Variants in TRAPPC6A observed in about 807,000 individuals in gnomAD.
TRAPPC6A encodes the protein trafficking protein particle complex subunit 6A, also known as TRAPP complex subunit 6A.
TRAPPC6A carries 25 observed loss-of-function variants against 20.8 expected under a neutral mutation model. The observed-to-expected ratio is 1.20, with a 90% CI of 0.88 to 1.68. The LOEUF (loss-of-function observed/expected upper bound fraction) is 1.68. TRAPPC6A is among the 40% of genes most tolerant of loss of function. The pLI is 0.00. For synonymous variants in TRAPPC6A, 96 were observed against 93.3 expected (o/e 1.03, Z -0.16); for missense variants, 215 against 211.6 (o/e 1.02, Z -0.10).
intron 1 of TRAPPC6A, among the ~76,000 whole-genome samples, chr19:45,174,431 C>T (rs1347748942): frequency 6.6e-6 from 1 of 152,182 alleles, no homozygotes; most frequent in Non-Finnish European, 1.5e-5. Flanking sequence ...GCCAGGACAT[C>T]CAGTGGTCAT....
At chr19:45,164,617 T>C in intron 3 of TRAPPC6A, 1 of 590,996 alleles carries the variant, frequency 1.7e-6, no homozygotes, top group Non-Finnish European at 3.0e-6. Context: ...AGGGGCTTTC[T>C]GCCCATGCAT....
chr19:45,176,406 G>A (rs1969376592), intron 1 of TRAPPC6A, among the ~76,000 whole-genome samples: 1 of 152,072 alleles, frequency 6.6e-6, no homozygotes, highest in South Asian at 2.1e-4. Context: ...GGAGCTTGCA[G>A]TGAGCCAAGA....
chr19:45,165,310 G>T, intron 1 of TRAPPC6A, 116 bp from the exon 2 acceptor site: 1 of 986,598 alleles, frequency 1.0e-6, no homozygotes, highest in Non-Finnish European at 1.5e-6. Flanking sequence ...CGTCAGTTCA[G>T]GGGTGAGCAG....
At chr19:45,167,671 A>G (rs1257240025) in intron 1 of TRAPPC6A, among the ~76,000 whole-genome samples, 3 of 152,120 alleles carry the variant, frequency 2.0e-5, no homozygotes, top group South Asian at 2.1e-4. Flanking sequence ...TAGTAGAGAC[A>G]GGGTTTCTTC....
At position 45,173,275 on chromosome 19, in the gene TRAPPC6A, T is replaced by A. The variant is rs941696337; in HGVS notation, c.84+4860A>T. On this transcript the variant is annotated intron_variant, in intron 1 of 5. Transcript: ENST00000585934. This position sits in a 1 kb window ranked among gnomAD's most constrained non-coding sequence, Gnocchi z 4.8. ...CCTTCCTGGCCCCTCTGGCCGGTCC[T>A]CCAGTTCACAACCTGTGACAGCCCA... 1.3e-5 allele frequency among the ~76,000 whole-genome samples: 2 copies of A among 151,658 alleles called. No individual in the cohort carries two copies. The highest frequency in any genetic ancestry group is 2.9e-5 in the Non-Finnish European group (2 of 67,918).
intron 1 of TRAPPC6A, among the ~76,000 whole-genome samples, chr19:45,176,813 C>T (rs1319369884): frequency 2.0e-5 from 3 of 150,436 alleles, no homozygotes; most frequent in South Asian, 2.1e-4. Flanking sequence ...GCGGGTGGAT[C>T]ACAAGGTCAG....
At chr19:45,169,963 C>T (rs1969235589) in intron 1 of TRAPPC6A, among the ~76,000 whole-genome samples, 1 of 152,198 alleles carries the variant, frequency 6.6e-6, no homozygotes, top group South Asian at 2.1e-4. Flanking sequence ...CCTTGCCTGG[C>T]AGGGTTGACA....
intron 1 of TRAPPC6A, among the ~76,000 whole-genome samples, chr19:45,169,034 T>G (rs377185219): frequency 1.3e-5 from 2 of 152,182 alleles, no homozygotes; most frequent in East Asian, 1.9e-4. Context: ...ACCATCTGCT[T>G]TCCTCCAGTG....
rs144599268 is a variant in TRAPPC6A, at chr19:45,165,163, C to T, written c.116G>A (p.Gly39Asp). Residue 39 changes from glycine (G) to aspartate (D), a missense_variant, in exon 2 of 6, where the codon GGT (glycine) becomes GAT (aspartate). Transcript: ENST00000585934. ...AGCCTGGCCCACACGGAACCCCATA[C>T]CCTCCAGGACCGACAGGCTCATCTT... ...GQKMSLSVLE[G>D]MGFRVGQALG... is the part of the protein sequence containing the mutation. The T allele has an allele frequency of 1.2e-6, 2 of 1,608,918 alleles. No individual in the cohort carries two copies. Among genetic ancestry groups the T allele is most frequent in the Non-Finnish European group, 1.7e-6 (2 of 1,177,946 alleles).
intron 1 of TRAPPC6A, among the ~76,000 whole-genome samples, chr19:45,168,522 C>T (rs532495175): frequency 6.6e-6 from 1 of 152,266 alleles, no homozygotes; most frequent in East Asian, 1.9e-4. Context: ...CGGACACATC[C>T]CAAGGATGCA....
chr19:45,164,608 G>A, intron 3 of TRAPPC6A: 1 of 589,368 alleles, frequency 1.7e-6, no homozygotes, highest in Non-Finnish European at 3.0e-6. Context: ...GCAGCCACCA[G>A]GGGCTTTCTG....
rs754583860 is a variant in TRAPPC6A at position 45,165,167 on chromosome 19, C to A, written c.112G>T (p.Glu38Ter). Residue 38 changes from glutamate (E) to a stop codon, truncating the protein, a stop_gained, in exon 2 of 6, where the codon GAG becomes TAG. Coordinates refer to ENST00000585934, the MANE Select transcript of TRAPPC6A (RefSeq NM_001270891.2). LOFTEE classifies it high-confidence loss of function. ...TGGCCCACACGGAACCCCATACCCT[C>A]CAGGACCGACAGGCTCATCTTCTGT... ...GGQKMSLSVL[E>*]GMGFRVGQAL... The A allele has an allele frequency of 1.2e-6, 2 of 1,608,626 alleles. No individual in the cohort carries two copies. Among genetic ancestry groups the A allele is most frequent in the Non-Finnish European group, 1.7e-6 (2 of 1,177,752 alleles).
chr19:45,176,678 A>T (rs1327195272), intron 1 of TRAPPC6A, among the ~76,000 whole-genome samples: 2 of 152,224 alleles, frequency 1.3e-5, no homozygotes, highest in African/African-American at 4.8e-5. Context: ...GTATATCGAG[A>T]TGGTAACAAG....
chr19:45,177,278 C>T (rs199866897), intron 1 of TRAPPC6A, among the ~76,000 whole-genome samples: 1 of 152,166 alleles, frequency 6.6e-6, no homozygotes, highest in African/African-American at 2.4e-5. Context: ...GAGGCCCAGG[C>T]GGGAGAATCA....
chr19:45,175,889 T>C (rs565868345), intron 1 of TRAPPC6A, among the ~76,000 whole-genome samples: 29 of 152,314 alleles, frequency 1.9e-4, no homozygotes, highest in South Asian at 6.2e-4. Context: ...ATCTTCCTCA[T>C]AGCAGTTACA....
At chr19:45,175,091 C>T (rs1281516927) in intron 1 of TRAPPC6A, among the ~76,000 whole-genome samples, 6 of 151,104 alleles carry the variant, frequency 4.0e-5, no homozygotes, top group Non-Finnish European at 8.8e-5. Flanking sequence ...GAAACTCTGT[C>T]TCTACTAAAA....
At chr19:45,165,735 G>A (rs1368249409) in intron 1 of TRAPPC6A, among the ~76,000 whole-genome samples, 2 of 152,130 alleles carry the variant, frequency 1.3e-5, no homozygotes, top group East Asian at 1.9e-4. Context: ...GCAGATCTTC[G>A]TTTGGGTGCT....
intron 3 of TRAPPC6A, among the ~76,000 whole-genome samples, chr19:45,164,452 G>T (rs548304880): frequency 6.7e-4 from 102 of 152,136 alleles, no homozygotes; most frequent in Non-Finnish European, 1.1e-3. Context: ...GCCCTGGGGA[G>T]TGTGGGTCCT....
chr19:45,165,923 T>C (rs1969142481), intron 1 of TRAPPC6A, among the ~76,000 whole-genome samples: 1 of 151,938 alleles, frequency 6.6e-6, no homozygotes, highest in Admixed American at 6.6e-5. Context: ...ATTTTTTTTT[T>C]TTTAAGAGAT....
Sources: allele counts gnomAD v4.1 joint callset (sites outside exome capture counted in the v4.1 genomes callset), GRCh38; gene constraint gnomAD v4.1.1; non-coding constraint Gnocchi (gnomAD v3.1); transcripts MANE v1.5; gene names NCBI Gene and HGNC (gene_info 2026-07-23, HGNC 2026-07-21).